Variants in IL6R observed in about 807,000 individuals in gnomAD.
IL6R encodes interleukin 6 receptor, also known as interleukin-6 receptor subunit alpha.
In IL6R, 38 loss-of-function variants were observed where a neutral mutation model predicts 48.3. The observed-to-expected ratio is 0.79, with a 90% CI of 0.61 to 1.03. The LOEUF is 1.03. Among genes scored for constraint, IL6R ranks in the 50% least tolerant of loss-of-function variants. The pLI, the probability that IL6R is intolerant of heterozygous loss-of-function variation, is 0.00. For synonymous variants in IL6R, 264 were observed against 256.2 expected (o/e 1.03, Z -0.29); for missense variants, 534 against 618.3 (o/e 0.86, Z 1.45).
chr1:154,415,142 C>T, intron 1 of IL6R: 1 of 911,646 alleles, frequency 1.1e-6, no homozygotes, highest in Middle Eastern at 2.3e-4. Context: ...ACTTGCCGTC[C>T]TCAGCCTGCA....
In IL6R at chr1:154,466,505, G is replaced by A. The variant is rs560236383; in HGVS notation, c.*1125G>A. ...GCATAGAAGTAACTTACTTAGGTGT[G>A]GGGGAAGCACCATAACTTTGTTTAG... On this transcript the variant is annotated 3_prime_UTR_variant, in exon 10 of 10. Coordinates refer to ENST00000368485, the MANE Select transcript of IL6R (RefSeq NM_000565.4). 1 of 152,260 alleles carries A rather than the reference G, an allele frequency of 6.6e-6. No individual in the cohort carries two copies. The highest frequency in any genetic ancestry group is 2.4e-5 in the African/African-American group (1 of 41,444). 9.4% of individuals were successfully genotyped at this position (152,260 alleles called of 1,614,324 possible).
rs940450796 is a variant in IL6R at position 154,432,638 on chromosome 1, G to T, written c.459-1881G>T. Among the ~76,000 whole-genome samples, 8 of 152,220 alleles carry T rather than the reference G, an allele frequency of 5.3e-5. 1 individual carries two copies. Among genetic ancestry groups the T allele is most frequent in the South Asian group, 4.1e-4 (2 of 4,832 alleles). ...CTCCCAAAGTGCTGGGATTACAGGC[G>T]TGAGCCACCGCGCCCGGCTTGACTG... On this transcript the variant is annotated intron_variant, in intron 3 of 9. Transcript: ENST00000368485.
chr1:154,448,875 CTTTTTTTTTT>C (rs757221328), intron 7 of IL6R, among the ~76,000 whole-genome samples: 10 of 73,330 alleles, frequency 1.4e-4, no homozygotes, highest in Non-Finnish European at 2.1e-4. Flanking sequence ...CTTGTAAGGG[CTTTTTTTTTT>C]TTTTTTTTTT....
intron 6 of IL6R, among the ~76,000 whole-genome samples, chr1:154,442,219 A>G (rs1372930100): frequency 6.6e-6 from 1 of 152,088 alleles, no homozygotes; most frequent in Non-Finnish European, 1.5e-5. Flanking sequence ...CTAATACGTA[A>G]TAGATGGTGT....
At chr1:154,435,412 G>C (rs1201973983) in intron 5 of IL6R, among the ~76,000 whole-genome samples, 3 of 151,656 alleles carry the variant, frequency 2.0e-5, no homozygotes, top group Admixed American at 6.6e-5. Context: ...CGGGGGCTGA[G>C]ACAGGAGAAT....
At chr1:154,453,161 C>T (rs1199853235) in intron 8 of IL6R, among the ~76,000 whole-genome samples, 1 of 152,110 alleles carries the variant, frequency 6.6e-6, no homozygotes, top group Non-Finnish European at 1.5e-5. Context: ...GCGGAGATCA[C>T]ACCACTGCAC....
chr1:154,434,944 C>G (rs754738630), intron 4 of IL6R, 46 bp from the exon 5 acceptor site: 1 of 1,602,352 alleles, frequency 6.2e-7, no homozygotes, highest in South Asian at 1.1e-5. Context: ...GGCTTCTCTA[C>G]ACTATATTTG....
intron 1 of IL6R, among the ~76,000 whole-genome samples, chr1:154,411,200 G>A (rs1421069130): frequency 2.0e-5 from 3 of 151,950 alleles, no homozygotes; most frequent in African/African-American, 4.8e-5. Context: ...CTGGCATTAC[G>A]GGTGCACACC....
In IL6R at chr1:154,465,459, C is replaced by A; in HGVS notation, c.*79C>A. On this transcript the variant is annotated 3_prime_UTR_variant, in exon 10 of 10. Transcript: ENST00000368485. ...GCTCAGCAAAAGATGCTTCTCACTG[C>A]CATGCCAGCTTATCTCAGGGGTGTG... 6.6e-7 allele frequency: 1 copy of A among 1,521,206 alleles called. No homozygotes were observed. The highest frequency in any genetic ancestry group is 1.1e-5 in the South Asian group (1 of 87,162). The allele number at this position is 1,521,206 out of a possible 1,614,324, so 94.2% of individuals were successfully genotyped here.
At chr1:154,415,315 A>G (rs1035792309) in intron 1 of IL6R, among the ~76,000 whole-genome samples, 11 of 152,228 alleles carry the variant, frequency 7.2e-5, no homozygotes, top group Non-Finnish European at 1.3e-4. Context: ...AATATTATGG[A>G]TGAGGTATGA....
intron 9 of IL6R, among the ~76,000 whole-genome samples, chr1:154,460,566 AT>A (rs1429476195): frequency 2.6e-5 from 4 of 152,210 alleles, no homozygotes; most frequent in Non-Finnish European, 5.9e-5. Context: ...ATGGAAAAAA[AT>A]ATATGTCATC....
chr1:154,443,049 A>G (rs980204294), intron 6 of IL6R, among the ~76,000 whole-genome samples: 1 of 152,204 alleles, frequency 6.6e-6, no homozygotes, highest in Non-Finnish European at 1.5e-5. Context: ...CCACTGTGCC[A>G]GGCTGGAGCC....
At chr1:154,436,778 A>G (rs1689652244) in intron 6 of IL6R, among the ~76,000 whole-genome samples, 1 of 152,230 alleles carries the variant, frequency 6.6e-6, no homozygotes, top group African/African-American at 2.4e-5. Flanking sequence ...GCCGTATTTA[A>G]TCTAGGGCTT....
intron 6 of IL6R, 37 bp from the exon 7 acceptor site, chr1:154,448,088 A>G (rs771636044): frequency 1.3e-6 from 2 of 1,584,824 alleles, no homozygotes; most frequent in South Asian, 2.2e-5. Flanking sequence ...TCCAGGGCCC[A>G]TGAATCACTA....
chr1:154,435,670 C>T (rs1689582157), intron 5 of IL6R, among the ~76,000 whole-genome samples: 1 of 152,222 alleles, frequency 6.6e-6, no homozygotes, highest in African/African-American at 2.4e-5. Flanking sequence ...AGGCCAGTCT[C>T]CTCTTCCCGG....
rs186869924 is a variant in IL6R at position 154,408,620 on chromosome 1, A to G, written c.85+2906A>G. On this transcript the variant is annotated intron_variant, in intron 1 of 9. Transcript: ENST00000368485. The stretch of plus-strand genomic sequence containing the variant: ...ACCCTGACCCTCATCTCCAGCCCTC[A>G]GCAGCCAGGGTAAACAAATACTCCC... 1.8e-4 allele frequency among the ~76,000 whole-genome samples: 28 copies of G among 152,250 alleles called. 1 individual carries two copies. In the East Asian group the frequency reaches 5.2e-3, roughly 28 times the overall value.
Position 154,465,489 on chromosome 1 carries a change from CT to C in IL6R, c.*112del. On this transcript the variant is annotated 3_prime_UTR_variant, in exon 10 of 10. Coordinates refer to ENST00000368485, the MANE Select transcript of IL6R (RefSeq NM_000565.4). ...CCAGCTTATCTCAGGGGTGTGCGGCCTTTGGCTTCACGGAAGAGCCTTGCGG... is the reference window on the plus strand; with the variant it reads ...CCAGCTTATCTCAGGGGTGTGCGGCCTTGGCTTCACGGAAGAGCCTTGCGG... The C allele has an allele frequency of 1.5e-6, 2 of 1,318,600 alleles. No homozygotes were observed. Among genetic ancestry groups the C allele is most frequent in the Non-Finnish European group, 1.1e-6 (1 of 934,496 alleles). The allele number at this position is 1,318,600 out of a possible 1,614,324, so 81.7% of individuals were successfully genotyped here.
At chr1:154,422,034 C>T (rs954703424) in intron 1 of IL6R, among the ~76,000 whole-genome samples, 1 of 152,104 alleles carries the variant, frequency 6.6e-6, no homozygotes, top group Non-Finnish European at 1.5e-5. Context: ...GCAATCTCTG[C>T]CTCCTGGGTT....
chr1:154,460,361 A>G (rs935454586), intron 9 of IL6R, among the ~76,000 whole-genome samples: 1 of 152,176 alleles, frequency 6.6e-6, no homozygotes, highest in African/African-American at 2.4e-5. Flanking sequence ...TCAGAAAAGA[A>G]TTCATACTCG....
Sources: gnomAD v4.1 joint callset for allele counts (sites outside exome capture counted in the v4.1 genomes callset) on GRCh38, gnomAD v4.1.1 for gene constraint, MANE v1.5 for transcripts, NCBI Gene and HGNC (gene_info 2026-07-23, HGNC 2026-07-21) for gene names.